The following LRP1B variants were observed in gnomAD, a reference collection of about 807,000 sequenced individuals.
LRP1B encodes low-density lipoprotein receptor-related protein 1B.
In LRP1B, 217 loss-of-function variants were observed where a neutral mutation model predicts 556.6. That is an observed-to-expected ratio of 0.39 (90% CI 0.35 to 0.44). The LOEUF (loss-of-function observed/expected upper bound fraction) is 0.44, where lower values mean the gene tolerates loss of function less well. LRP1B is among the 20% of genes least tolerant of loss of function. The pLI, the probability that LRP1B is intolerant of heterozygous loss-of-function variation, is 1.00. For missense variants in LRP1B, 5,053 were observed against 5,620.8 expected, an observed-to-expected ratio of 0.90 and a Z score of 3.23; for synonymous variants, 2,047 against 1,865.8, an observed-to-expected ratio of 1.10 and a Z score of -2.50.
At chr2:140,801,582 AT>A (rs10545209) in intron 32 of LRP1B, among the ~76,000 whole-genome samples, 36,081 of 146,826 alleles carry the variant, frequency 0.25, 4,257 homozygotes, top group South Asian at 0.35. Flanking sequence ...AATCTTACTA[AT>A]TTTTTTTTTT....
intron 3 of LRP1B, among the ~76,000 whole-genome samples, chr2:141,282,719 T>C (rs1028806897): frequency 6.6e-6 from 1 of 152,128 alleles, no homozygotes; most frequent in Non-Finnish European, 1.5e-5. Flanking sequence ...TCATGGTCTA[T>C]AGTAAGTTGA....
chr2:141,837,173 G>A (rs949531036), intron 1 of LRP1B, among the ~76,000 whole-genome samples: 2 of 151,878 alleles, frequency 1.3e-5, no homozygotes, highest in African/African-American at 2.4e-5. Flanking sequence ...TAAGGATATA[G>A]ACTATCAGGG....
At chr2:142,004,123 C>A (rs1486484019) in intron 1 of LRP1B, among the ~76,000 whole-genome samples, 1 of 152,122 alleles carries the variant, frequency 6.6e-6, no homozygotes, top group African/African-American at 2.4e-5. Context: ...CTCAGCAATG[C>A]TGGAGACAAG....
chr2:141,939,811 A>G (rs988211872), intron 1 of LRP1B, among the ~76,000 whole-genome samples: 5 of 152,086 alleles, frequency 3.3e-5, no homozygotes, highest in African/African-American at 1.2e-4. Flanking sequence ...ATTGGCAAAC[A>G]CTACAATAAG....
intron 7 of LRP1B, among the ~76,000 whole-genome samples, chr2:141,080,861 G>C (rs560543022): frequency 6.6e-6 from 1 of 152,318 alleles, no homozygotes; most frequent in African/African-American, 2.4e-5. Context: ...ATTGTTAGCA[G>C]TGTGATAACC....
intron 82 of LRP1B, among the ~76,000 whole-genome samples, chr2:140,321,532 G>A (rs1372179417): frequency 1.3e-5 from 2 of 151,832 alleles, no homozygotes; most frequent in Non-Finnish European, 2.9e-5. Flanking sequence ...CTAAAATTTG[G>A]TTTCTAAATT....
intron 19 of LRP1B, among the ~76,000 whole-genome samples, chr2:140,950,978 T>C (rs1272161061): frequency 1.3e-5 from 2 of 152,208 alleles, no homozygotes; most frequent in African/African-American, 4.8e-5. Flanking sequence ...CTTTGGATTT[T>C]GAAGCTTAAT....
intron 3 of LRP1B, among the ~76,000 whole-genome samples, chr2:141,456,130 G>A (rs1681619905): frequency 6.6e-6 from 1 of 152,208 alleles, no homozygotes; most frequent in Non-Finnish European, 1.5e-5. Flanking sequence ...AGGACAAACT[G>A]GCCACCAGTA....
At chr2:141,145,297 T>C (rs1701752881) in intron 7 of LRP1B, among the ~76,000 whole-genome samples, 2 of 152,284 alleles carry the variant, frequency 1.3e-5, no homozygotes, top group East Asian at 1.9e-4. Context: ...CTACGTGTGC[T>C]AATTATATCA....
intron 3 of LRP1B, among the ~76,000 whole-genome samples, chr2:141,375,367 A>G (rs1226235975): frequency 6.6e-6 from 1 of 152,024 alleles, no homozygotes; most frequent in Non-Finnish European, 1.5e-5. Context: ...ACCAGATGGC[A>G]TGTTTGGAAG....
chr2:140,472,745 T>C (rs570565838), intron 60 of LRP1B, among the ~76,000 whole-genome samples: 2 of 152,156 alleles, frequency 1.3e-5, no homozygotes, highest in Middle Eastern at 3.4e-3. Flanking sequence ...TGGAATATCT[T>C]TGGGGAAAGA....
At chr2:141,342,341 A>G (rs1013902449) in intron 3 of LRP1B, among the ~76,000 whole-genome samples, 2 of 151,890 alleles carry the variant, frequency 1.3e-5, no homozygotes, top group African/African-American at 2.4e-5. Context: ...CTGGCCTACA[A>G]TGGATGTCTG....
chr2:141,560,163 C>T (rs1393474479), intron 2 of LRP1B, among the ~76,000 whole-genome samples: 2 of 151,592 alleles, frequency 1.3e-5, no homozygotes, highest in African/African-American at 4.8e-5. Flanking sequence ...AAACCATTCA[C>T]GATATACTAA....
chr2:142,013,811 C>T (rs1703032286), intron 1 of LRP1B, among the ~76,000 whole-genome samples: 1 of 152,064 alleles, frequency 6.6e-6, no homozygotes, highest in South Asian at 2.1e-4. Context: ...GTAACTCCAT[C>T]TTGAGTGAGG....
At chr2:141,091,440 C>T (rs1021984910) in intron 7 of LRP1B, among the ~76,000 whole-genome samples, 10 of 152,192 alleles carry the variant, frequency 6.6e-5, no homozygotes, top group Admixed American at 6.5e-5. Context: ...CATTGCTTCC[C>T]GGCTGGGGCC....
chr2:140,579,566 G>A (rs1681675650), intron 43 of LRP1B, among the ~76,000 whole-genome samples: 2 of 152,180 alleles, frequency 1.3e-5, no homozygotes, highest in Non-Finnish European at 2.9e-5. Context: ...GGGTAGGCCG[G>A]TGCGGTGGCT....
intron 2 of LRP1B, among the ~76,000 whole-genome samples, chr2:141,653,410 G>A (rs532282408): frequency 1.1e-4 from 17 of 152,248 alleles, no homozygotes; most frequent in South Asian, 4.1e-4. Flanking sequence ...GCATCAGTAC[G>A]TGTCATAGAA....
rs11441032 is a variant in LRP1B at position 140,927,708 on chromosome 2, CT to C, written c.3137-4562del. ...AGGCAGATTAGTATTACGAGGAAGGCTTTTTTTTTTTTTTTTTGAGATGGAA... is the reference window on the plus strand; with the variant it reads ...AGGCAGATTAGTATTACGAGGAAGGCTTTTTTTTTTTTTTTTGAGATGGAA... On this transcript the variant is annotated intron_variant, in intron 20 of 90. Coordinates refer to ENST00000389484, the MANE Select transcript of LRP1B (RefSeq NM_018557.3). 8.8e-3 allele frequency among the ~76,000 whole-genome samples: 1,017 copies of C among 116,042 alleles called. 9 individuals are homozygous for C. The highest frequency in any genetic ancestry group is 0.032 in the African/African-American group (966 of 30,350). 76.1% of individuals were successfully genotyped at this position (116,042 alleles called of 152,430 possible).
intron 77 of LRP1B, 32 bp from the exon 78 acceptor site, chr2:140,335,870 T>G: frequency 7.4e-7 from 1 of 1,357,190 alleles, no homozygotes; most frequent in Non-Finnish European, 1.1e-6. Flanking sequence ...CACCACGGTA[T>G]TTTCAACAGG....
Sources: allele counts gnomAD v4.1 joint callset (sites outside exome capture counted in the v4.1 genomes callset), GRCh38; gene constraint gnomAD v4.1.1; transcripts MANE v1.5; gene names NCBI Gene and HGNC (gene_info 2026-07-23, HGNC 2026-07-21).